NAV3: variants seen among roughly 807,000 people sequenced by gnomAD.
The protein encoded by NAV3 is pore membrane and/or filament interacting like protein 1.
NAV3 carries 87 observed loss-of-function variants against 244.7 expected under a neutral mutation model. That is an observed-to-expected ratio of 0.36 (90% CI 0.30 to 0.42). The LOEUF is 0.42. Among genes scored for constraint, NAV3 ranks in the 20% least tolerant of loss-of-function variants. The pLI, the probability that NAV3 is intolerant of heterozygous loss-of-function variation, is 1.00. For synonymous variants in NAV3, 1,126 were observed against 1,042.2 expected (o/e 1.08, Z -1.55); for missense variants, 2,663 against 2,893.3 (o/e 0.92, Z 1.83).
intron 2 of NAV3, among the ~76,000 whole-genome samples, chr12:77,646,861 T>C (rs1314350467): frequency 6.6e-5 from 10 of 152,082 alleles, no homozygotes; most frequent in Non-Finnish European, 1.3e-4. Flanking sequence ...ATTTTGGAGA[T>C]TAATTTGGAA....
intron 2 of NAV3, among the ~76,000 whole-genome samples, chr12:77,766,678 A>G (rs1592662095): frequency 6.8e-6 from 1 of 147,590 alleles, no homozygotes; most frequent in Non-Finnish European, 1.5e-5. Flanking sequence ...TGACCAAATC[A>G]TATCTAGGGT....
chr12:77,883,246 G>A (rs1882882376), intron 1 of NAV3, among the ~76,000 whole-genome samples: 1 of 152,050 alleles, frequency 6.6e-6, no homozygotes, highest in Non-Finnish European at 1.5e-5. Context: ...TATACACTGT[G>A]GAATACTATG....
intron 1 of NAV3, among the ~76,000 whole-genome samples, chr12:77,937,411 A>G (rs1314656053): frequency 6.6e-6 from 1 of 152,224 alleles, no homozygotes; most frequent in South Asian, 2.1e-4. Flanking sequence ...ATGAATTTGG[A>G]TAAAGGCTAA....
At chr12:77,845,100 TAC>T (rs1188567574) in intron 1 of NAV3, among the ~76,000 whole-genome samples, 1 of 152,238 alleles carries the variant, frequency 6.6e-6, no homozygotes, top group African/African-American at 2.4e-5. Context: ...GAGAAAAATT[TAC>T]ACACAGTTTT....
chr12:77,996,883 A>G (rs2136425808), intron 6 of NAV3, among the ~76,000 whole-genome samples: 1 of 152,326 alleles, frequency 6.6e-6, no homozygotes, highest in East Asian at 1.9e-4. Flanking sequence ...TGACATTCAC[A>G]TGGTGGCAGC....
At chr12:78,087,579 A>T (rs544625817) in intron 12 of NAV3, among the ~76,000 whole-genome samples, 1 of 152,166 alleles carries the variant, frequency 6.6e-6, no homozygotes, top group Non-Finnish European at 1.5e-5. Context: ...TATGACAGCA[A>T]TGTTAGTGTG....
At position 77,700,816 on chromosome 12, in the gene NAV3, A is replaced by G. The variant is rs1397919970; in HGVS notation, c.72+128550A>G. Among the ~76,000 whole-genome samples the G allele has an allele frequency of 2.0e-5, 3 of 151,916 alleles. No individual in the cohort carries two copies. The South Asian group carries it at 6.2e-4, about 31-fold the overall frequency. On this transcript the variant is annotated intron_variant, in intron 2 of 8. Coordinates refer to the NAV3 transcript ENST00000550042. ...ATATGTCTATGGAAATGACCATATG[A>G]CTTTTTATTCTATTAATATAGTTAA...
chr12:77,806,055 C>G (rs1206949654), intron 2 of NAV3, among the ~76,000 whole-genome samples: 2 of 152,058 alleles, frequency 1.3e-5, no homozygotes, highest in East Asian at 3.9e-4. Context: ...ATTCTTCTCT[C>G]TTTTCATCTT....
At chr12:77,966,826 C>G (rs1423946600) in intron 4 of NAV3, among the ~76,000 whole-genome samples, 3 of 151,898 alleles carry the variant, frequency 2.0e-5, no homozygotes, top group African/African-American at 7.2e-5. Context: ...ATTAAAGATT[C>G]AAAAGATCAT....
In NAV3 at chr12:78,209,976, T is replaced by G. The variant is rs187523860; in HGVS notation, c.7039-422T>G. 3.9e-5 allele frequency among the ~76,000 whole-genome samples: 6 copies of G among 152,304 alleles called. No individual in the cohort carries two copies. In the East Asian group the frequency reaches 1.2e-3, roughly 29 times the overall value. On this transcript the variant is annotated intron_variant, in intron 39 of 39. Coordinates refer to ENST00000397909, the MANE Select transcript of NAV3 (RefSeq NM_001024383.2). ...CCTCCTTCTCTCAAGGGACAGTGCG[T>G]GTGTGCCTCTGTGTGCGTCTGTGTG...
chr12:77,704,833 T>C (rs974761627), intron 2 of NAV3, among the ~76,000 whole-genome samples: 6 of 152,214 alleles, frequency 3.9e-5, no homozygotes, highest in African/African-American at 1.4e-4. Context: ...CTCTGTCTTG[T>C]CCAATTACTT....
chr12:77,738,719 T>C (rs1470123589), intron 2 of NAV3, among the ~76,000 whole-genome samples: 1 of 152,164 alleles, frequency 6.6e-6, no homozygotes, highest in Non-Finnish European at 1.5e-5. Context: ...TGGTTAAGAC[T>C]ACAGGTTCTG....
chr12:77,596,553 A>G (rs1870177795), intron 2 of NAV3, among the ~76,000 whole-genome samples: 2 of 152,186 alleles, frequency 1.3e-5, no homozygotes, highest in African/African-American at 4.8e-5. Context: ...TATACAGGGT[A>G]TATCAGAATA....
chr12:78,130,306 C>T (rs575719840), intron 18 of NAV3: 1 of 186,604 alleles, frequency 5.4e-6, no homozygotes, highest in African/African-American at 2.4e-5. Context: ...CCTAGTTTCT[C>T]TGAGTTGGAC....
At chr12:78,037,649 A>G (rs184257183) in intron 9 of NAV3, among the ~76,000 whole-genome samples, 4 of 152,286 alleles carry the variant, frequency 2.6e-5, no homozygotes, top group Admixed American at 1.3e-4. Context: ...AGCCTCACCT[A>G]GTGTCCAGTA....
chr12:77,616,989 AT>A (rs1871166595), intron 2 of NAV3, among the ~76,000 whole-genome samples: 1 of 152,150 alleles, frequency 6.6e-6, no homozygotes, highest in African/African-American at 2.4e-5. Context: ...TCGCTATAGC[AT>A]TGACATGATA....
intron 38 of NAV3, among the ~76,000 whole-genome samples, chr12:78,204,323 TG>T (rs1016930861): frequency 2.6e-4 from 39 of 152,074 alleles, no homozygotes; most frequent in African/African-American, 8.7e-4. Context: ...TCCTGCACGT[TG>T]TGCACATGTA....
intron 1 of NAV3, among the ~76,000 whole-genome samples, chr12:77,873,773 T>TATATATATATATATATATATAA (rs762527287): frequency 1.9e-4 from 25 of 128,612 alleles, no homozygotes; most frequent in African/African-American, 6.9e-4. Flanking sequence ...TATATGTATA[T>TATATATATATATATATATATAA]AACAGCATAT....
At chr12:77,878,986 G>A (rs1403105588) in intron 1 of NAV3, among the ~76,000 whole-genome samples, 1 of 152,084 alleles carries the variant, frequency 6.6e-6, no homozygotes, top group Non-Finnish European at 1.5e-5. Context: ...GCATATTTGT[G>A]TCTGCTGCCT....
Sources: gnomAD v4.1 joint callset for allele counts (sites outside exome capture counted in the v4.1 genomes callset) on GRCh38, gnomAD v4.1.1 for gene constraint, MANE v1.5 for transcripts, NCBI Gene and HGNC (gene_info 2026-07-23, HGNC 2026-07-21) for gene names.